The following ASNSD1 variants were observed in gnomAD, a reference collection of about 807,000 sequenced individuals.
ASNSD1 encodes the protein asparagine synthetase domain containing 1.
Under a neutral mutation model 48.3 loss-of-function variants are expected in ASNSD1, and 36 were observed. That is an observed-to-expected ratio of 0.75 (90% CI 0.57 to 0.99). The LOEUF is 0.99. Among genes scored for constraint, ASNSD1 ranks in the 50% least tolerant of loss-of-function variants. ASNSD1 has a pLI of 0.00. For synonymous variants in ASNSD1, 257 were observed against 262.1 expected (o/e 0.98, Z 0.19); for missense variants, 714 against 758.2 (o/e 0.94, Z 0.69).
At chr2:189,663,834 T>G (rs2032727606) in intron 1 of ASNSD1, 67 bp from the exon 2 acceptor site, 1 of 368,046 alleles carries the variant, frequency 2.7e-6, no homozygotes, top group Non-Finnish European at 4.9e-6. Context: ...AAACAACCCC[T>G]TAAGGGATTT....
chr2:189,665,527 A>G, intron 3 of ASNSD1, 76 bp downstream of exon 3: 1 of 368,824 alleles, frequency 2.7e-6, no homozygotes, highest in Non-Finnish European at 4.8e-6. Context: ...ATATATCTAA[A>G]GATTAATGCA....
chr2:189,666,491 C>A lies in ASNSD1; in HGVS notation c.359C>A (p.Ser120Ter). The change falls in exon 4 of 6, where the codon TCA becomes TAA. Residue 120 changes from serine to a stop codon, truncating the protein, a stop_gained. Transcript: ENST00000260952. LOFTEE classifies it high-confidence loss of function. ...TTCTCAGAAGTACAAGGTCCCTGGT[C>A]ATTTATATATTATCAAGCATCTAGT... ...SLFSEVQGPW[S>*]FIYYQASSHY... 1 of 1,613,552 alleles carries A rather than the reference C, an allele frequency of 6.2e-7. No homozygotes were observed. The highest frequency in any genetic ancestry group is 1.1e-5 in the South Asian group (1 of 91,010).
In ASNSD1 at chr2:189,666,270, G is replaced by A; in HGVS notation, c.138G>A (p.Gln46=). ...TGTTAAAGTCTGATGTTAACTACCA[G>A]TGTTTATTTTCTGCTCACGTCCTAC... ...KQLLKSDVNY[Q]CLFSAHVLHL... Residue 46 remains glutamine (Q), a synonymous_variant, in exon 4 of 6, where the codon CAG becomes CAA. Transcript: ENST00000260952. 6.2e-7 allele frequency: 1 copy of A among 1,614,142 alleles called. No homozygotes were observed. The highest frequency in any genetic ancestry group is 8.5e-7 in the Non-Finnish European group (1 of 1,180,016).
intron 5 of ASNSD1, 97 bp downstream of exon 5, chr2:189,668,042 C>G: frequency 8.5e-7 from 1 of 1,174,448 alleles, no homozygotes; most frequent in Non-Finnish European, 1.2e-6. Flanking sequence ...GGAGACTGTT[C>G]ACATGAATAA....
intron 2 of ASNSD1, among the ~76,000 whole-genome samples, chr2:189,664,999 CTG>C (rs2032753232): frequency 6.6e-6 from 1 of 152,176 alleles, no homozygotes; most frequent in Non-Finnish European, 1.5e-5. Flanking sequence ...AGCAAATAAA[CTG>C]TAATATATTA....
At chr2:189,663,265 T>G (rs1467817692) in intron 1 of ASNSD1, among the ~76,000 whole-genome samples, 1 of 152,000 alleles carries the variant, frequency 6.6e-6, no homozygotes, top group Non-Finnish European at 1.5e-5. Context: ...ATTTATTTAT[T>G]TTTTTGAGAC....
At chr2:189,662,188 C>T (rs754130336) in intron 1 of ASNSD1, among the ~76,000 whole-genome samples, 3 of 152,238 alleles carry the variant, frequency 2.0e-5, no homozygotes, top group Non-Finnish European at 4.4e-5. Context: ...CTAAAACACG[C>T]ATTGGGTTGT....
At chr2:189,665,345 A>G in intron 2 of ASNSD1, 31 bp from the exon 3 acceptor site, 1 of 394,644 alleles carries the variant, frequency 2.5e-6, no homozygotes, top group Non-Finnish European at 4.5e-6. Context: ...TTAGATCAAA[A>G]TTTGATATTA....
Position 189,667,930 on chromosome 2 carries a change from A to G in ASNSD1, c.1631A>G (p.His544Arg), listed in dbSNP as rs950301049. 1 of 1,608,988 alleles carries G rather than the reference A, an allele frequency of 6.2e-7. No homozygotes were observed. The highest frequency in any genetic ancestry group is 8.5e-7 in the Non-Finnish European group (1 of 1,178,624). Residue 544 changes from histidine (H) to arginine (R), a missense_variant, in exon 5 of 6, where the codon CAT (histidine) becomes CGT (arginine). Transcript: ENST00000260952. ...LGRDDRVIGD[H>R]GKEARFPFLD... The stretch of plus-strand genomic sequence containing the variant: ...CGTGATGACAGAGTTATTGGTGATC[A>G]TGGAAAAGAAGCAAGGTAATTCTAA...
intron 5 of ASNSD1, 48 bp downstream of exon 5, chr2:189,667,993 CAG>C (rs764613698): frequency 1.3e-6 from 2 of 1,537,540 alleles, no homozygotes; most frequent in East Asian, 2.3e-5. Context: ...ATAAAAACAG[CAG>C]AGTGTAAATG....
In ASNSD1 at chr2:189,666,778, A is replaced by G; in HGVS notation, c.646A>G (p.Ser216Gly). Residue 216 changes from serine to glycine, a missense_variant, in exon 4 of 6, where the codon AGT (serine) becomes GGT (glycine). Physicochemically the swap from Ser to Gly is moderately conservative, Grantham distance 56 (BLOSUM62 0). Coordinates refer to ENST00000260952, the MANE Select transcript of ASNSD1 (RefSeq NM_019048.4). Reference protein sequence around the residue: ...NIIEENVNSLSQISADLPAFV... With the variant: ...NIIEENVNSLGQISADLPAFV... ...TATTGAAGAAAATGTTAATAGCCTG[A>G]GTCAAATTTCAGCAGACTTACCAGC... 6.2e-7 allele frequency: 1 copy of G among 1,613,948 alleles called. No individual in the cohort carries two copies. The highest frequency in any genetic ancestry group is 1.1e-5 in the South Asian group (1 of 91,074).
intron 2 of ASNSD1, 142 bp downstream of exon 2, chr2:189,664,096 T>C (rs573704643): frequency 2.8e-4 from 93 of 328,396 alleles, no homozygotes; most frequent in Non-Finnish European, 4.7e-4. Context: ...AAATTGCAAG[T>C]GTCTAGATTC....
intron 5 of ASNSD1, 48 bp downstream of exon 5, chr2:189,667,993 C>A: frequency 6.5e-7 from 1 of 1,537,538 alleles, no homozygotes. Context: ...ATAAAAACAG[C>A]AGAGTGTAAA....
At position 189,665,446 on chromosome 2, in the gene ASNSD1, G is replaced by A; in HGVS notation, c.-98G>A. The A allele has an allele frequency of 2.5e-6, 1 of 397,616 alleles. No homozygotes were observed. The allele number at this position is 397,616 out of a possible 1,614,324, so 24.6% of individuals were successfully genotyped here. ...GACCGAACAGAAATGCTGTCTGAGA[G>A]CAAGAGTAAGTTTTTTCTTTTTTGG... On this transcript the variant is annotated 5_prime_UTR_variant, in exon 3 of 6. Coordinates refer to ENST00000260952, the MANE Select transcript of ASNSD1 (RefSeq NM_019048.4).
chr2:189,670,790 C>T lies in ASNSD1; in HGVS notation c.*64C>T, dbSNP rs1246159046. On this transcript the variant is annotated 3_prime_UTR_variant, in exon 6 of 6. Coordinates refer to ENST00000260952, the MANE Select transcript of ASNSD1 (RefSeq NM_019048.4). ...TATAATTATATAAAAGTAAGATACT[C>T]TGCTGCTTTACTATTGTATAACATA... The T allele has an allele frequency of 1.7e-6, 2 of 1,165,206 alleles. No homozygotes were observed. The highest frequency in any genetic ancestry group is 5.6e-5 in the East Asian group (2 of 35,480). 72.2% of individuals were successfully genotyped at this position (1,165,206 alleles called of 1,614,324 possible). A position where few individuals can be genotyped will look rare whatever the true frequency, so the allele number is the denominator to read the frequency against.
At position 189,666,250 on chromosome 2, in the gene ASNSD1, A is replaced by G. The variant is rs1414196254; in HGVS notation, c.118A>G (p.Lys40Glu). ...ACCCAATAGTAGTAAACAATTGTTAAAGTCTGATGTTAACTACCAGTGTTT... is the reference window on the plus strand; with the variant it reads ...ACCCAATAGTAGTAAACAATTGTTAGAGTCTGATGTTAACTACCAGTGTTT... ...RGPNSSKQLL[K>E]SDVNYQCLFS... The change falls in exon 4 of 6, where the codon AAG (lysine) becomes GAG (glutamate). Residue 40 changes from lysine (K) to glutamate (E), a missense_variant. Lys to Glu is a moderately conservative substitution (Grantham distance 56, BLOSUM62 1). Transcript: ENST00000260952. 12 of 1,614,058 alleles carry G rather than the reference A, an allele frequency of 7.4e-6. No individual in the cohort carries two copies. The highest frequency in any genetic ancestry group is 2.7e-5 in the African/African-American group (2 of 74,940).
chr2:189,661,529 C>G lies in ASNSD1; in HGVS notation c.-304C>G. ...TCTTGCGCTCGGTGGAAATGCCCAGCCGAGGGACGCGACCAGAGGACAGCT... is the reference window on the plus strand; with the variant it reads ...TCTTGCGCTCGGTGGAAATGCCCAGGCGAGGGACGCGACCAGAGGACAGCT... On this transcript the variant is annotated 5_prime_UTR_variant, in exon 1 of 6. Transcript: ENST00000260952. 5.0e-6 allele frequency: 2 copies of G among 399,276 alleles called. No homozygotes were observed. The highest frequency in any genetic ancestry group is 8.8e-5 in the Admixed American group (2 of 22,740). 24.7% of individuals were successfully genotyped at this position (399,276 alleles called of 1,614,324 possible). A position where few individuals can be genotyped will look rare whatever the true frequency, so the allele number is the denominator to read the frequency against.
In ASNSD1 at chr2:189,661,523, G is replaced by A; in HGVS notation, c.-310G>A. ...CGCGTGTCTTGCGCTCGGTGGAAATGCCCAGCCGAGGGACGCGACCAGAGG... is the reference window on the plus strand; with the variant it reads ...CGCGTGTCTTGCGCTCGGTGGAAATACCCAGCCGAGGGACGCGACCAGAGG... On this transcript the variant is annotated 5_prime_UTR_variant, in exon 1 of 6. It removes an upstream start codon present in the reference 5' UTR. Transcript: ENST00000260952. The A allele has an allele frequency of 2.5e-6, 1 of 399,252 alleles. No individual in the cohort carries two copies. Among genetic ancestry groups the A allele is most frequent in the Admixed American group, 4.4e-5 (1 of 22,738 alleles). The allele number at this position is 399,252 out of a possible 1,614,324, so 24.7% of individuals were successfully genotyped here.
rs375163750 is a variant in ASNSD1 at position 189,667,481 on chromosome 2, G to A, written c.1349G>A (p.Arg450Gln). 8 of 1,613,976 alleles carry A rather than the reference G, an allele frequency of 5.0e-6. No homozygotes were observed. Among genetic ancestry groups the A allele is most frequent in the South Asian group, 2.2e-5 (2 of 91,082 alleles). ...AGAACTCGAATATGTCACTTAATTC[G>A]GCCATTGGATACAGTTTTGGATGAT... ...LRRTRICHLI[R>Q]PLDTVLDDSI... Residue 450 changes from arginine to glutamine, a missense_variant, in exon 4 of 6, where the codon CGG becomes CAG. Arg to Gln is a conservative substitution (Grantham distance 43). Transcript: ENST00000260952.
Sources: allele counts gnomAD v4.1 joint callset (sites outside exome capture counted in the v4.1 genomes callset), GRCh38; gene constraint gnomAD v4.1.1; transcripts MANE v1.5; gene names NCBI Gene and HGNC (gene_info 2026-07-23, HGNC 2026-07-21).